WDPCP: variants seen among roughly 807,000 people sequenced by gnomAD.
WDPCP encodes WD repeat-containing and planar cell polarity effector protein fritz homolog.
Under a neutral mutation model 93.1 loss-of-function variants are expected in WDPCP, and 71 were observed. The ratio of observed to expected loss-of-function variants is 0.76; its 90% CI spans 0.63 to 0.93. The LOEUF (loss-of-function observed/expected upper bound fraction) is 0.93. Among genes scored for constraint, WDPCP ranks in the 40% least tolerant of loss-of-function variants. The pLI is 0.00. For missense variants in WDPCP, 844 were observed against 887.4 expected, an observed-to-expected ratio of 0.95 and a Z score of 0.62; for synonymous variants, 315 against 315.0, an observed-to-expected ratio of 1.00 and a Z score of 0.00.
intron 12 of WDPCP, among the ~76,000 whole-genome samples, chr2:63,347,173 A>G (rs1689248982): frequency 6.6e-6 from 1 of 152,200 alleles, no homozygotes; most frequent in Non-Finnish European, 1.5e-5. Context: ...TTTAATCTTG[A>G]CAACAGCCCT....
intron 17 of WDPCP, among the ~76,000 whole-genome samples, chr2:63,133,154 G>A (rs1230524030): frequency 2.0e-5 from 3 of 152,144 alleles, no homozygotes; most frequent in Non-Finnish European, 4.4e-5. Context: ...TTGAATCTCT[G>A]TATAGATGGC....
At chr2:63,542,041 G>A (rs2106310433) in intron 1 of WDPCP, among the ~76,000 whole-genome samples, 1 of 152,192 alleles carries the variant, frequency 6.6e-6, no homozygotes, top group South Asian at 2.1e-4. Flanking sequence ...TATAGCTAAG[G>A]AGTTGAGTTA....
chr2:63,662,437 G>C (rs1449858336), intron 2 of WDPCP, among the ~76,000 whole-genome samples: 4 of 152,122 alleles, frequency 2.6e-5, no homozygotes. Flanking sequence ...GAAAACACGA[G>C]ATTTCTGGAT....
chr2:63,268,831 G>A (rs1682381291), intron 13 of WDPCP, among the ~76,000 whole-genome samples: 1 of 152,028 alleles, frequency 6.6e-6, no homozygotes, highest in African/African-American at 2.4e-5. Flanking sequence ...AATTGGTAAG[G>A]TAACAATATG....
intron 1 of WDPCP, among the ~76,000 whole-genome samples, chr2:63,568,835 G>A (rs1707270736): frequency 6.6e-6 from 1 of 152,228 alleles, no homozygotes; most frequent in South Asian, 2.1e-4. Context: ...ACCAGTATAA[G>A]CATGCCAGGG....
intron 2 of WDPCP, among the ~76,000 whole-genome samples, chr2:63,727,663 G>A (rs1459328419): frequency 1.3e-5 from 2 of 152,190 alleles, no homozygotes; most frequent in Admixed American, 1.3e-4. Flanking sequence ...GAATTCAGCT[G>A]TGAATCTGTC....
At chr2:63,122,218 A>G (rs984711836) in intron 17 of WDPCP, among the ~76,000 whole-genome samples, 162 bp from the exon 18 acceptor site, 4 of 152,206 alleles carry the variant, frequency 2.6e-5, no homozygotes, top group African/African-American at 9.7e-5. Flanking sequence ...TACTTACCTG[A>G]CTTGGTCATC....
intron 12 of WDPCP, 99 bp downstream of exon 12, chr2:63,378,287 G>T: frequency 6.6e-7 from 1 of 1,518,494 alleles, no homozygotes; most frequent in Non-Finnish European, 9.0e-7. Flanking sequence ...TGGACTGTTA[G>T]GAAACACATA....
At chr2:63,494,121 T>C (rs1268459881) in intron 1 of WDPCP, among the ~76,000 whole-genome samples, 1 of 152,110 alleles carries the variant, frequency 6.6e-6, no homozygotes, top group African/African-American at 2.4e-5. Context: ...TAATGAGATA[T>C]AGTATGCTAC....
At position 63,120,400 on chromosome 2, in the gene WDPCP, TAGAA is replaced by T. The variant is rs1188819087; in HGVS notation, c.*1602_*1605del. Among the ~76,000 whole-genome samples the T allele has an allele frequency of 1.3e-5, 2 of 152,044 alleles. No homozygotes were observed. Among genetic ancestry groups the T allele is most frequent in the Non-Finnish European group, 1.5e-5 (1 of 68,018 alleles). On this transcript the variant is annotated 3_prime_UTR_variant, in exon 18 of 18. Transcript: ENST00000272321. The stretch of plus-strand genomic sequence containing the variant: ...GGTAGAGGTACAGATAAATGGGAAG[TAGAA>T]AGAAAAATTTGAAGTATAAAAGCCT...
chr2:63,765,856 T>C (rs553505629), intron 2 of WDPCP, among the ~76,000 whole-genome samples: 2 of 152,342 alleles, frequency 1.3e-5, no homozygotes, highest in South Asian at 2.1e-4. Context: ...GATGCAGCCA[T>C]GCTTGTGCTT....
At chr2:63,565,501 C>T (rs1245493540) in intron 1 of WDPCP, among the ~76,000 whole-genome samples, 3 of 152,196 alleles carry the variant, frequency 2.0e-5, no homozygotes, top group East Asian at 3.9e-4. Context: ...ATCAAGGAGT[C>T]ACTGAGAAAA....
Position 63,304,703 on chromosome 2 carries a change from G to GT in WDPCP, c.1812+8544dup, listed in dbSNP as rs71410995. On this transcript the variant is annotated intron_variant, in intron 13 of 17. Transcript: ENST00000272321. ...GGAAGACACCGAGCTAGCTGCAGGA[G>GT]TTTTTTTTCATACCCCAGTGGTGCC... Among the ~76,000 whole-genome samples the GT allele has an allele frequency of 4.4e-3, 673 of 152,098 alleles. 7 individuals carry two copies. Among genetic ancestry groups the GT allele is most frequent in the African/African-American group, 0.015 (637 of 41,490 alleles).
At chr2:63,753,054 T>G (rs1308929105) in intron 2 of WDPCP, among the ~76,000 whole-genome samples, 1 of 152,184 alleles carries the variant, frequency 6.6e-6, no homozygotes, top group Admixed American at 6.5e-5. Flanking sequence ...TTTCAAAGTT[T>G]TGGACTGAAT....
At chr2:63,709,087 CCCGGG>C (rs1669220353) in intron 2 of WDPCP, among the ~76,000 whole-genome samples, 2 of 83,524 alleles carry the variant, frequency 2.4e-5, no homozygotes, top group Non-Finnish European at 5.6e-5. Context: ...AAAAAAATGA[CCCGGG>C]CTTGGTGATG....
chr2:63,725,441 C>T lies in WDPCP; in HGVS notation n.309-74603G>A, dbSNP rs191676172. Among the ~76,000 whole-genome samples the T allele has an allele frequency of 7.2e-5, 11 of 152,126 alleles. No individual in the cohort carries two copies. In the East Asian group the frequency reaches 1.9e-3, roughly 27 times the overall value. On this transcript the variant is annotated intron_variant and non_coding_transcript_variant, in intron 2 of 4. Transcript: ENST00000467687. ...TGTACCACATTTTCTTTATCCAGTCCAACACTGATGGGCATTTAGGTTGAT... is the reference window on the plus strand; with the variant it reads ...TGTACCACATTTTCTTTATCCAGTCTAACACTGATGGGCATTTAGGTTGAT...
intron 3 of WDPCP, among the ~76,000 whole-genome samples, chr2:63,613,396 T>A (rs1196623742): frequency 6.6e-6 from 1 of 152,236 alleles, no homozygotes; most frequent in Non-Finnish European, 1.5e-5. Context: ...TCCAGCCTGA[T>A]GAAATCAGGG....
intron 14 of WDPCP, among the ~76,000 whole-genome samples, chr2:63,242,170 A>G (rs2104647918): frequency 2.0e-5 from 3 of 152,272 alleles, no homozygotes; most frequent in Admixed American, 2.0e-4. Flanking sequence ...CCATTTAAGC[A>G]TGAATAAGCT....
rs1024029752 is a variant in WDPCP at position 63,336,935 on chromosome 2, C to G, written c.1749-23624G>C. 4.9e-5 allele frequency among the ~76,000 whole-genome samples: 7 copies of G among 142,302 alleles called. No individual in the cohort carries two copies. The South Asian group carries it at 1.6e-3, about 32-fold the overall frequency. 93.4% of individuals were successfully genotyped at this position (142,302 alleles called of 152,430 possible). A position where few individuals can be genotyped will look rare whatever the true frequency, so the allele number is the denominator to read the frequency against. ...TTTGAGACAGAGTCTCGCTCTGTCACCAGGTTGGAGTGCAGTGGCATGATC... is the reference window on the plus strand; with the variant it reads ...TTTGAGACAGAGTCTCGCTCTGTCAGCAGGTTGGAGTGCAGTGGCATGATC... On this transcript the variant is annotated intron_variant, in intron 12 of 17. Transcript: ENST00000272321.
Sources: gnomAD v4.1 joint callset for allele counts (sites outside exome capture counted in the v4.1 genomes callset) on GRCh38, gnomAD v4.1.1 for gene constraint, MANE v1.5 for transcripts, NCBI Gene and HGNC (gene_info 2026-07-23, HGNC 2026-07-21) for gene names.